AOPEP: variants seen among roughly 807,000 people sequenced by gnomAD.
AOPEP encodes aminopeptidase O (putative).
Under a neutral mutation model 98.1 loss-of-function variants are expected in AOPEP, and 77 were observed. That is an observed-to-expected ratio of 0.78 (90% CI 0.65 to 0.95). The LOEUF is 0.95. Ranked by LOEUF, AOPEP falls within the 40% of genes least tolerant of loss-of-function variation. AOPEP has a pLI of 0.00. For synonymous variants in AOPEP, 346 were observed against 365.3 expected, an observed-to-expected ratio of 0.95 and a Z score of 0.60; for missense variants, 1,024 against 1,024.7, an observed-to-expected ratio of 1.00 and a Z score of 0.01.
intron 7 of AOPEP, among the ~76,000 whole-genome samples, chr9:94,938,096 AT>A (rs1173651594): frequency 1.3e-5 from 2 of 152,174 alleles, no homozygotes; most frequent in African/African-American, 4.8e-5. Context: ...AATGGTCTCG[AT>A]TTCCTGACCT....
At chr9:94,838,779 G>A (rs2041921347) in intron 5 of AOPEP, among the ~76,000 whole-genome samples, 1 of 151,940 alleles carries the variant, frequency 6.6e-6, no homozygotes, top group Non-Finnish European at 1.5e-5. Context: ...TTTATTTAGA[G>A]GTTCTATTGT....
Position 94,759,875 on chromosome 9 carries a change from A to T in AOPEP, c.92A>T (p.Asp31Val), listed in dbSNP as rs758534673. ...GTGAAGCACTATGTACTGGATTTGG[A>T]TGTGGATTTTGAAAGTCAAGTCATT... is the stretch of plus-strand genomic sequence containing the variant. ...ILVKHYVLDL[D>V]VDFESQVIEG... Residue 31 changes from aspartate (D) to valine (V), a missense_variant, in exon 2 of 17, where the codon GAT becomes GTT. By Grantham distance (152) the Asp-to-Val change is radical. This residue lies in a region of AOPEP where 440 missense variants were observed against 433.8 expected (regional missense o/e 1.01). Transcript: ENST00000375315. 1.4e-5 allele frequency: 23 copies of T among 1,614,114 alleles called. No homozygotes were observed. The highest frequency in any genetic ancestry group is 1.9e-5 in the Non-Finnish European group (23 of 1,180,026).
intron 8 of AOPEP, 90 bp from the exon 9 acceptor site, chr9:94,955,818 C>T: frequency 1.3e-6 from 1 of 793,468 alleles, no homozygotes; most frequent in Non-Finnish European, 2.1e-6. Flanking sequence ...TGCACAAGTG[C>T]ACTATGGGTT....
downstream of AOPEP, among the ~76,000 whole-genome samples, chr9:95,091,162 T>C (rs1010727764): frequency 1.3e-5 from 2 of 152,192 alleles, no homozygotes; most frequent in African/African-American, 4.8e-5. Flanking sequence ...GTTTAGAGTT[T>C]CAAGTTCTAG....
In AOPEP at chr9:94,892,977, G is replaced by C. The variant is rs561925919; in HGVS notation, c.1365-31009G>C. 2.0e-4 allele frequency among the ~76,000 whole-genome samples: 30 copies of C among 152,324 alleles called. No individual in the cohort carries two copies. In the East Asian group the frequency reaches 4.4e-3, roughly 23 times the overall value. On this transcript the variant is annotated intron_variant, in intron 5 of 16. Coordinates refer to ENST00000375315, the MANE Select transcript of AOPEP (RefSeq NM_001193329.3). ...CAAAGTGCTGGGATTCCAGGGGTTA[G>C]CTACCTCACTTGGATGTTTTATGCT...
At position 94,912,628 on chromosome 9, in the gene AOPEP, T is replaced by G. The variant is rs1452454918; in HGVS notation, c.1365-11358T>G. 2.0e-5 allele frequency among the ~76,000 whole-genome samples: 3 copies of G among 152,192 alleles called. No individual in the cohort carries two copies. In the South Asian group the frequency reaches 6.2e-4, roughly 31 times the overall value. On this transcript the variant is annotated intron_variant, in intron 5 of 16. Transcript: ENST00000375315. ...CAGAGTCAGAAAACACCAAAAAGCA[T>G]CTTTCCCATGCTGCCTTAACAGCTA...
chr9:95,077,600 T>G (rs1268339032), intron 14 of AOPEP, among the ~76,000 whole-genome samples: 1 of 152,184 alleles, frequency 6.6e-6, no homozygotes, highest in Non-Finnish European at 1.5e-5. Flanking sequence ...TGTCCTCTGG[T>G]GGCATGCTGT....
chr9:94,875,347 GAAAAAAAA>G (rs71366265), intron 5 of AOPEP, among the ~76,000 whole-genome samples: 25 of 71,514 alleles, frequency 3.5e-4, no homozygotes, highest in South Asian at 1.8e-3. Context: ...AATTGAGCAA[GAAAAAAAA>G]AAAAAAAAAA....
intron 13 of AOPEP, among the ~76,000 whole-genome samples, chr9:95,030,634 T>C (rs944215983): frequency 6.6e-6 from 1 of 152,208 alleles, no homozygotes; most frequent in Admixed American, 6.5e-5. Flanking sequence ...ATGTGGCCAG[T>C]GATGTAAAAA....
the AOPEP span, among the ~76,000 whole-genome samples, chr9:95,149,188 A>T: frequency 6.6e-6 from 1 of 152,228 alleles, no homozygotes; most frequent in East Asian, 1.9e-4. Context: ...TTAAAAATTT[A>T]GTTTCAAATA....
At chr9:94,797,995 T>C (rs1847400660) in intron 4 of AOPEP, among the ~76,000 whole-genome samples, 1 of 152,134 alleles carries the variant, frequency 6.6e-6, no homozygotes, top group South Asian at 2.1e-4. Context: ...TGAGCCACCA[T>C]GTCTGGCCTC....
At chr9:94,730,555 G>C (rs1830296716) in intron 1 of AOPEP, among the ~76,000 whole-genome samples, 1 of 152,102 alleles carries the variant, frequency 6.6e-6, no homozygotes, top group Non-Finnish European at 1.5e-5. Flanking sequence ...TAACTTACAT[G>C]CTATTTGAGA....
At chr9:94,901,938 T>G (rs2050465725) in intron 5 of AOPEP, among the ~76,000 whole-genome samples, 1 of 152,098 alleles carries the variant, frequency 6.6e-6, no homozygotes, top group South Asian at 2.1e-4. Context: ...GAAAAAGTGC[T>G]AATAAAATAC....
At chr9:94,807,361 A>C (rs1484341400) in intron 5 of AOPEP, among the ~76,000 whole-genome samples, 1 of 152,196 alleles carries the variant, frequency 6.6e-6, no homozygotes, top group Non-Finnish European at 1.5e-5. Flanking sequence ...TGTTCTCCCC[A>C]CACAAAGACT....
In AOPEP at chr9:95,012,990, G is replaced by C. The variant is rs141395175; in HGVS notation, c.2115+7374G>C. 1.3e-4 allele frequency among the ~76,000 whole-genome samples: 18 copies of C among 135,734 alleles called. 2 individuals carry two copies. The highest frequency in any genetic ancestry group is 3.7e-4 in the Admixed American group (5 of 13,692). The allele number at this position is 135,734 out of a possible 152,430, so 89.0% of individuals were successfully genotyped here. A position where few individuals can be genotyped will look rare whatever the true frequency, so the allele number is the denominator to read the frequency against. On this transcript the variant is annotated intron_variant, in intron 13 of 16. Coordinates refer to ENST00000375315, the MANE Select transcript of AOPEP (RefSeq NM_001193329.3). Reference sequence around the variant, plus strand: ...TAGAGTTTTCCTGTTTTTTTTTTGGGGGGGGGGGCAGGGCGATTATCTCTT... The same window carrying C: ...TAGAGTTTTCCTGTTTTTTTTTTGGCGGGGGGGGCAGGGCGATTATCTCTT...
At chr9:94,826,238 T>C (rs1037126270) in intron 5 of AOPEP, among the ~76,000 whole-genome samples, 2 of 152,184 alleles carry the variant, frequency 1.3e-5, no homozygotes, top group Non-Finnish European at 2.9e-5. Context: ...AAGTTCATTG[T>C]GACAGAACTC....
the AOPEP span, among the ~76,000 whole-genome samples, chr9:95,124,211 T>C: frequency 2.6e-5 from 4 of 151,020 alleles, no homozygotes; most frequent in East Asian, 7.8e-4. Flanking sequence ...ATTGTAGTTC[T>C]CCTCTCGGAA....
intron 1 of AOPEP, among the ~76,000 whole-genome samples, chr9:94,734,983 A>G (rs1302148267): frequency 6.6e-6 from 1 of 152,218 alleles, no homozygotes; most frequent in Non-Finnish European, 1.5e-5. Context: ...AAATTCTGCC[A>G]GATTATAATA....
At chr9:95,061,286 C>T (rs2067297488) in intron 14 of AOPEP, among the ~76,000 whole-genome samples, 1 of 152,170 alleles carries the variant, frequency 6.6e-6, no homozygotes, top group African/African-American at 2.4e-5. Context: ...TGATATAGTC[C>T]TTAATATCTT....
Sources: gnomAD v4.1 joint callset for allele counts (sites outside exome capture counted in the v4.1 genomes callset) on GRCh38, gnomAD v4.1.1 for gene constraint, gnomAD v4.1.1 regional missense constraint, MANE v1.5 for transcripts, NCBI Gene and HGNC (gene_info 2026-07-23, HGNC 2026-07-21) for gene names.